The following NFIA variants were observed in gnomAD, a reference collection of about 807,000 sequenced individuals.
The protein encoded by NFIA is nuclear factor 1 A-type.
NFIA carries 8 observed loss-of-function variants against 62.8 expected under a neutral mutation model. That is an observed-to-expected ratio of 0.13 (90% CI 0.07 to 0.23). NFIA has a LOEUF of 0.23. NFIA is among the 10% of genes least tolerant of loss of function. The pLI, the probability that NFIA is intolerant of heterozygous loss-of-function variation, is 1.00. For missense variants in NFIA, 410 were observed against 642.1 expected (o/e 0.64, Z 3.91); for synonymous variants, 235 against 238.1 (o/e 0.99, Z 0.12).
intron 2 of NFIA, among the ~76,000 whole-genome samples, chr1:61,121,119 G>A (rs774144775): frequency 4.6e-5 from 7 of 152,306 alleles, no homozygotes; most frequent in Middle Eastern, 3.4e-3. Context: ...TGAGGACAGC[G>A]TGTGACTTGT....
chr1:61,411,386 CTG>C (rs1263036388), intron 9 of NFIA, among the ~76,000 whole-genome samples: 2 of 152,132 alleles, frequency 1.3e-5, no homozygotes, highest in African/African-American at 4.8e-5. Context: ...GATTGATAGA[CTG>C]TGCCAGGTCT....
rs563140420 is a variant in NFIA, at chr1:61,103,005, C to T, written c.559+14325C>T. 9.2e-5 allele frequency among the ~76,000 whole-genome samples: 14 copies of T among 152,258 alleles called. No homozygotes were observed. The South Asian group carries it at 2.9e-3, about 32-fold the overall frequency. ...AGGCCCCTTTAACAATGTTGTGTGT[C>T]ACTGCATGTTCTTATTTGTAATCAA... is the stretch of plus-strand genomic sequence containing the variant. On this transcript the variant is annotated intron_variant, in intron 2 of 10. Transcript: ENST00000403491.
intron 10 of NFIA, among the ~76,000 whole-genome samples, chr1:61,433,414 A>T (rs530549180): frequency 6.6e-6 from 1 of 152,224 alleles, no homozygotes; most frequent in South Asian, 2.1e-4. Context: ...TCCATCACTT[A>T]GAAGCATTCT....
chr1:61,231,900 A>C (rs1341820081), intron 2 of NFIA, among the ~76,000 whole-genome samples: 1 of 152,142 alleles, frequency 6.6e-6, no homozygotes, highest in Non-Finnish European at 1.5e-5. Context: ...GAAATAATAC[A>C]ACAGTATTGC....
chr1:61,224,658 G>T (rs1184932670), intron 2 of NFIA, among the ~76,000 whole-genome samples: 2 of 152,166 alleles, frequency 1.3e-5, no homozygotes, highest in Admixed American at 6.5e-5. Flanking sequence ...GGTACCAAGT[G>T]CCTGGTGGTG....
intron 10 of NFIA, among the ~76,000 whole-genome samples, chr1:61,430,414 A>C (rs1667050296): frequency 6.6e-6 from 1 of 152,236 alleles, no homozygotes; most frequent in African/African-American, 2.4e-5. Context: ...TTTCTGTATA[A>C]ATCCATCCAG....
intron 2 of NFIA, among the ~76,000 whole-genome samples, chr1:61,089,234 CAGAT>C (rs1646273954): frequency 6.6e-6 from 1 of 152,060 alleles, no homozygotes. Flanking sequence ...AGTGTTGTCT[CAGAT>C]AGCTAAGGGA....
chr1:61,406,772 T>G, intron 9 of NFIA, 45 bp downstream of exon 9: 2 of 1,517,990 alleles, frequency 1.3e-6, no homozygotes, highest in Non-Finnish European at 1.8e-6. Context: ...TAAAGCTGTA[T>G]GCACTGGAAT....
At chr1:61,142,984 C>T (rs933290693) in intron 2 of NFIA, among the ~76,000 whole-genome samples, 1 of 152,160 alleles carries the variant, frequency 6.6e-6, no homozygotes, top group Non-Finnish European at 1.5e-5. Context: ...ATTGTTGACT[C>T]AACTCTCTTC....
chr1:61,390,157 G>C (rs572204791), intron 7 of NFIA, among the ~76,000 whole-genome samples: 1 of 152,150 alleles, frequency 6.6e-6, no homozygotes, highest in East Asian at 1.9e-4. Flanking sequence ...CTGGCACTAC[G>C]CAAGTCCAGA....
At chr1:61,332,120 G>A (rs1460687695) in intron 3 of NFIA, among the ~76,000 whole-genome samples, 2 of 152,170 alleles carry the variant, frequency 1.3e-5, no homozygotes, top group South Asian at 2.1e-4. Flanking sequence ...TGTTTCTTTA[G>A]AGAATAATGT....
At chr1:61,128,560 C>T (rs1647015910) in intron 2 of NFIA, among the ~76,000 whole-genome samples, 1 of 151,836 alleles carries the variant, frequency 6.6e-6, no homozygotes, top group African/African-American at 2.4e-5. Context: ...GCCACTGTAC[C>T]CCAACCTGGG....
chr1:61,370,733 G>A (rs1165311809), intron 6 of NFIA, among the ~76,000 whole-genome samples: 1 of 152,152 alleles, frequency 6.6e-6, no homozygotes, highest in Non-Finnish European at 1.5e-5. Context: ...TTTCCAGACA[G>A]CTGTGAATGT....
upstream of NFIA, among the ~76,000 whole-genome samples, chr1:61,079,029 T>G (rs1646065199): frequency 6.6e-6 from 1 of 152,244 alleles, no homozygotes; most frequent in South Asian, 2.1e-4. Context: ...TTCTTTGGAT[T>G]AAATTCCCAT....
chr1:61,453,665 A>G (rs1264273062), intron 10 of NFIA, among the ~76,000 whole-genome samples: 2 of 152,130 alleles, frequency 1.3e-5, no homozygotes, highest in Non-Finnish European at 2.9e-5. Context: ...GAAAACAGAA[A>G]TAGTAAGCAT....
chr1:61,100,232 A>G (rs768363989), intron 2 of NFIA, among the ~76,000 whole-genome samples: 8 of 152,190 alleles, frequency 5.3e-5, no homozygotes, highest in Non-Finnish European at 8.8e-5. Context: ...CATCTCGGAA[A>G]CTATGGAGAC....
At chr1:61,160,718 T>TTAG (rs1649136851) in intron 2 of NFIA, among the ~76,000 whole-genome samples, 2 of 152,230 alleles carry the variant, frequency 1.3e-5, no homozygotes, top group African/African-American at 4.8e-5. Context: ...CGCTGACTAA[T>TTAG]GCAGATGACT....
chr1:61,088,707 C>T lies in NFIA; in HGVS notation c.559+27C>T. ...TAAGTGCGATGGTGAGAATTCCTCC[C>T]ACTTTCTTGTGTGTGTTTCTTTCCT... On this transcript the variant is annotated intron_variant, in intron 2 of 10. Coordinates refer to ENST00000403491, the MANE Select transcript of NFIA (RefSeq NM_001134673.4). The surrounding 1 kb of genome is among the most constrained non-coding windows in gnomAD (Gnocchi z 4.5). 3 of 1,587,052 alleles carry T rather than the reference C, an allele frequency of 1.9e-6. No individual in the cohort carries two copies. The highest frequency in any genetic ancestry group is 2.6e-6 in the Non-Finnish European group (3 of 1,166,852).
At chr1:61,090,299 A>G (rs1315059532) in intron 2 of NFIA, among the ~76,000 whole-genome samples, 1 of 152,236 alleles carries the variant, frequency 6.6e-6, no homozygotes, top group African/African-American at 2.4e-5. Flanking sequence ...GATATTTAGA[A>G]AAATATAACC....
Sources: gnomAD v4.1 joint callset for allele counts (sites outside exome capture counted in the v4.1 genomes callset) on GRCh38, gnomAD v4.1.1 for gene constraint, Gnocchi (gnomAD v3.1) non-coding constraint, MANE v1.5 for transcripts, NCBI Gene and HGNC (gene_info 2026-07-23, HGNC 2026-07-21) for gene names.